The following ADGRV1 variants were observed in gnomAD, a reference collection of about 807,000 sequenced individuals.
The protein encoded by ADGRV1 is adhesion G protein-coupled receptor V1.
In ADGRV1, 359 loss-of-function variants were observed where a neutral mutation model predicts 596.2. That is an observed-to-expected ratio of 0.60 (90% CI 0.55 to 0.66). ADGRV1 has a LOEUF of 0.66. ADGRV1 is among the 30% of genes least tolerant of loss of function. The probability of loss-of-function intolerance (pLI) is 0.00; values close to 1 mark genes in which losing one functional copy is unlikely to be tolerated. For missense variants in ADGRV1, 7,274 were observed against 7,575.6 expected, an observed-to-expected ratio of 0.96 and a Z score of 1.48; for synonymous variants, 2,681 against 2,679.2, an observed-to-expected ratio of 1.00 and a Z score of -0.02.
In ADGRV1 at chr5:90,615,098, CTGTT is replaced by C. The variant is rs143724293; in HGVS notation, c.207+82_207+85del. The C allele has an allele frequency of 7.4e-3, 6,640 of 895,236 alleles. 153 individuals carry two copies. Among genetic ancestry groups the C allele is most frequent in the African/African-American group, 0.066 (3,832 of 58,112 alleles). The allele number at this position is 895,236 out of a possible 1,614,324, so 55.5% of individuals were successfully genotyped here. A position where few individuals can be genotyped will look rare whatever the true frequency, so the allele number is the denominator to read the frequency against. ...TTTTAATGGCAAGGATTTTTTTTTT[CTGTT>C]TGAGATTTTGAGCAGTTTCATTATG... On this transcript the variant is annotated intron_variant, in intron 2 of 89. Transcript: ENST00000405460.
At chr5:90,865,526 C>T (rs1260802999) in intron 83 of ADGRV1, among the ~76,000 whole-genome samples, 2 of 152,014 alleles carry the variant, frequency 1.3e-5, no homozygotes, top group Admixed American at 6.6e-5. Flanking sequence ...TTGGACAAAA[C>T]GGTTAGTCAT....
chr5:90,848,471 A>G (rs192522943), intron 78 of ADGRV1, among the ~76,000 whole-genome samples, 166 bp from the exon 79 acceptor site: 7 of 152,248 alleles, frequency 4.6e-5, no homozygotes, highest in Admixed American at 1.3e-4. Context: ...GCAAATATAT[A>G]TATTTGAAAT....
rs1748976776 is a variant in ADGRV1, at chr5:90,709,020, G to A, written c.8824+111G>A. On this transcript the variant is annotated intron_variant, in intron 39 of 89. Transcript: ENST00000405460. The stretch of plus-strand genomic sequence containing the variant: ...GCTGTTTTGTTAATCTTAGCTATGT[G>A]TTAAAATATGATGGGCTTTTATATT... 3 of 686,350 alleles carry A rather than the reference G, an allele frequency of 4.4e-6. No homozygotes were observed. The African/African-American group carries it at 5.4e-5, about 12-fold the overall frequency. 42.5% of individuals were successfully genotyped at this position (686,350 alleles called of 1,614,324 possible). A position where few individuals can be genotyped will look rare whatever the true frequency, so the allele number is the denominator to read the frequency against.
chr5:90,854,015 A>G (rs1365108128), intron 80 of ADGRV1, 47 bp from the exon 81 acceptor site: 2 of 1,393,086 alleles, frequency 1.4e-6, no homozygotes, highest in Non-Finnish European at 2.0e-6. Flanking sequence ...CTCAGTCATT[A>G]CACCAATTGT....
Position 90,729,736 on chromosome 5 carries a change from C to T in ADGRV1, c.10521C>T (p.Ile3507=). 1 of 1,613,260 alleles carries T rather than the reference C, an allele frequency of 6.2e-7. No individual in the cohort carries two copies. Among genetic ancestry groups the T allele is most frequent in the Non-Finnish European group, 8.5e-7 (1 of 1,179,382 alleles). ...QSVDFAAVNR[I]HSFTPASGIA... is the part of the protein sequence containing the mutation. ...TAGATTTTGCTGCTGTTAACAGAAT[C>T]CACTCCTTCACACCAGCCTCAGGAA... The change falls in exon 50 of 90, where the codon ATC becomes ATT. Residue 3507 remains isoleucine (I), a synonymous_variant. Transcript: ENST00000405460.
rs540244832 is a variant in ADGRV1 at position 90,604,628 on chromosome 5, G to A, written c.23-10207G>A. On this transcript the variant is annotated intron_variant, in intron 1 of 89. Coordinates refer to ENST00000405460, the MANE Select transcript of ADGRV1 (RefSeq NM_032119.4). ...AATCTATCCTTAGATCCTTAAGACC[G>A]CTTCATAATATGTGAAATTGTTGCT... Among the ~76,000 whole-genome samples, 49 of 152,214 alleles carry A rather than the reference G, an allele frequency of 3.2e-4. 2 individuals are homozygous for A. Among genetic ancestry groups the A allele is most frequent in the South Asian group, 2.3e-3 (11 of 4,818 alleles).
intron 85 of ADGRV1, among the ~76,000 whole-genome samples, chr5:91,060,425 T>C (rs1787323563): frequency 1.3e-5 from 2 of 151,148 alleles, no homozygotes; most frequent in African/African-American, 4.9e-5. Flanking sequence ...AGACGAGGTT[T>C]CACCATGTTG....
Position 90,965,426 on chromosome 5 carries a change from G to T in ADGRV1, c.17868G>T (p.Leu5956=), listed in dbSNP as rs370381784. 53 of 1,607,216 alleles carry T rather than the reference G, an allele frequency of 3.3e-5. No homozygotes were observed. The African/African-American group carries it at 5.7e-4, about 17-fold the overall frequency. ...TCTGTTTCTTACAGATTCTGTTTCT[G>T]GCGTCTGCATACGCAAGTCCCCAAC... ...AASLGTQILF[L]ASAYASPQLA... Residue 5956 remains leucine, a synonymous_variant, in exon 84 of 90, where the codon CTG becomes CTT. Coordinates refer to ENST00000405460, the MANE Select transcript of ADGRV1 (RefSeq NM_032119.4).
rs550066334 is a variant in ADGRV1, at chr5:90,800,820, G to C, written c.14518-1919G>C. ...TGTCATTCTCAGCAAACTAACACAA[G>C]AACAGAAAACCAGGCACCACGTGTT... On this transcript the variant is annotated intron_variant, in intron 70 of 89. Transcript: ENST00000405460. Among the ~76,000 whole-genome samples the C allele has an allele frequency of 4.5e-4, 68 of 152,184 alleles. 2 individuals are homozygous for C. The South Asian group carries it at 0.013, about 29-fold the overall frequency.
At chr5:90,658,354 C>T in intron 21 of ADGRV1, 76 bp downstream of exon 21, 1 of 1,377,722 alleles carries the variant, frequency 7.3e-7, no homozygotes. Context: ...GGCTTTCTTT[C>T]ATTTGGTAAG....
chr5:91,049,293 CAT>C (rs1276180051), intron 85 of ADGRV1, among the ~76,000 whole-genome samples: 9 of 152,260 alleles, frequency 5.9e-5, no homozygotes, highest in East Asian at 1.9e-4. Context: ...CATAAATTCA[CAT>C]GTTTGTTTAT....
At chr5:90,852,497 A>T (rs2150403841) in intron 79 of ADGRV1, among the ~76,000 whole-genome samples, 1 of 152,308 alleles carries the variant, frequency 6.6e-6, no homozygotes, top group East Asian at 1.9e-4. Context: ...GTTTGCAAAC[A>T]TGATGGGTCA....
chr5:90,937,746 A>C (rs993008911), intron 83 of ADGRV1, among the ~76,000 whole-genome samples: 8 of 152,102 alleles, frequency 5.3e-5, no homozygotes, highest in Non-Finnish European at 8.8e-5. Flanking sequence ...CGTGAGCCAC[A>C]GCGCCCGGCC....
chr5:90,786,306 G>A (rs976015546), intron 67 of ADGRV1, among the ~76,000 whole-genome samples: 5 of 152,282 alleles, frequency 3.3e-5, no homozygotes, highest in Non-Finnish European at 4.4e-5. Flanking sequence ...TGTAAATGAC[G>A]AGTTGATGGG....
intron 85 of ADGRV1, among the ~76,000 whole-genome samples, chr5:91,049,766 T>G (rs1786149465): frequency 6.6e-6 from 1 of 152,096 alleles, no homozygotes. Flanking sequence ...GGGGGAGTGC[T>G]TTAGATGAAA....
At chr5:91,005,708 G>C (rs1782210675) in intron 85 of ADGRV1, among the ~76,000 whole-genome samples, 1 of 152,126 alleles carries the variant, frequency 6.6e-6, no homozygotes. Context: ...GTTAGTCACA[G>C]GGTTATTGAT....
At position 90,778,576 on chromosome 5, in the gene ADGRV1, A is replaced by G; in HGVS notation, c.12816A>G (p.Ser4272=). 6.2e-7 allele frequency: 1 copy of G among 1,605,406 alleles called. No individual in the cohort carries two copies. The highest frequency in any genetic ancestry group is 8.5e-7 in the Non-Finnish European group (1 of 1,174,948). The change falls in exon 63 of 90, where the codon TCA becomes TCG. Residue 4272 remains serine, a synonymous_variant. Coordinates refer to ENST00000405460, the MANE Select transcript of ADGRV1 (RefSeq NM_032119.4). ...SDSPYGRFAF[S]HEQLRVSEAQ... is the part of the protein sequence containing the mutation. Reference sequence around the variant, plus strand: ...CTCCCTATGGCCGATTTGCCTTTTCACATGAGCAACTTCGAGTGTCAGAAG... The same window carrying G: ...CTCCCTATGGCCGATTTGCCTTTTCGCATGAGCAACTTCGAGTGTCAGAAG...
rs1759686608 is a variant in ADGRV1, at chr5:90,788,199, G to A, written c.13782G>A (p.Leu4594=). Residue 4594 remains leucine, a synonymous_variant, in exon 68 of 90, where the codon CTG becomes CTA. Coordinates refer to ENST00000405460, the MANE Select transcript of ADGRV1 (RefSeq NM_032119.4). ...EGEGGVRTII[L]TIYPHEEIEV... is the part of the protein sequence containing the mutation. ...AAGGAGGAGTGAGAACCATAATTCT[G>A]ACAATCTATCCTCATGAAGAAATTG... 9 of 1,613,762 alleles carry A rather than the reference G, an allele frequency of 5.6e-6. No homozygotes were observed. The highest frequency in any genetic ancestry group is 7.6e-6 in the Non-Finnish European group (9 of 1,179,772).
intron 1 of ADGRV1, among the ~76,000 whole-genome samples, chr5:90,565,099 T>G (rs2151945080): frequency 6.6e-6 from 1 of 152,192 alleles, no homozygotes; most frequent in South Asian, 2.1e-4. Context: ...TAGCTGGGCG[T>G]GTTGGCGGGC....
Sources: gnomAD v4.1 joint callset for allele counts (sites outside exome capture counted in the v4.1 genomes callset) on GRCh38, gnomAD v4.1.1 for gene constraint, MANE v1.5 for transcripts, NCBI Gene and HGNC (gene_info 2026-07-23, HGNC 2026-07-21) for gene names.